The following EVL variants were observed in gnomAD, a reference collection of about 807,000 sequenced individuals.
The protein encoded by EVL is ena/VASP-like protein.
EVL carries 21 observed loss-of-function variants against 59.6 expected under a neutral mutation model. The observed-to-expected ratio is 0.35, with a 90% CI of 0.25 to 0.51. The LOEUF (loss-of-function observed/expected upper bound fraction) is 0.51, where lower values mean the gene tolerates loss of function less well. Ranked by LOEUF, EVL falls within the 20% of genes least tolerant of loss-of-function variation. The probability of loss-of-function intolerance (pLI) is 0.97; values close to 1 mark genes in which losing one functional copy is unlikely to be tolerated. For synonymous variants in EVL, 198 were observed against 203.5 expected (o/e 0.97, Z 0.23); for missense variants, 462 against 546.6 (o/e 0.85, Z 1.54).
intron 1 of EVL, among the ~76,000 whole-genome samples, chr14:100,012,301 C>T (rs184205494): frequency 2.0e-5 from 3 of 152,306 alleles, no homozygotes; most frequent in Admixed American, 6.5e-5. Context: ...GCCTGAAGTG[C>T]GTCTGAATCT....
intron 1 of EVL, among the ~76,000 whole-genome samples, chr14:100,011,040 T>G (rs1364474125): frequency 6.6e-6 from 1 of 152,226 alleles, no homozygotes; most frequent in African/African-American, 2.4e-5. Context: ...TGATTGACTT[T>G]ATTCACTTGA....
intron 1 of EVL, chr14:99,977,554 A>T (rs116591446): frequency 1.3e-5 from 2 of 152,024 alleles, no homozygotes; most frequent in African/African-American, 4.8e-5. Context: ...ATCCGCCACT[A>T]TGTGCGGCTA....
intron 1 of EVL, among the ~76,000 whole-genome samples, chr14:100,029,044 T>G (rs2061267900): frequency 6.6e-6 from 1 of 152,232 alleles, no homozygotes; most frequent in Non-Finnish European, 1.5e-5. Context: ...CATTGCTGTA[T>G]TGTTTGTATA....
intron 3 of EVL, among the ~76,000 whole-genome samples, chr14:100,101,556 TCACTTGAA>T (rs1886225197): frequency 6.6e-6 from 1 of 152,072 alleles, no homozygotes; most frequent in Non-Finnish European, 1.5e-5. Context: ...GACAGGAGAA[TCACTTGAA>T]CCCAGGAGGC....
At chr14:100,039,212 A>G (rs1306487841) in intron 1 of EVL, among the ~76,000 whole-genome samples, 3 of 152,208 alleles carry the variant, frequency 2.0e-5, no homozygotes, top group Admixed American at 1.3e-4. Flanking sequence ...GTTATTTTCT[A>G]GTTAAAACAA....
chr14:100,059,792 A>G (rs1022794903), intron 1 of EVL, among the ~76,000 whole-genome samples: 9 of 152,190 alleles, frequency 5.9e-5, no homozygotes, highest in Non-Finnish European at 1.2e-4. Context: ...GAACTGAAGA[A>G]AGGTTTGAAC....
Position 100,130,854 on chromosome 14 carries a change from G to A in EVL, c.839+1170G>A, listed in dbSNP as rs933372734. On this transcript the variant is annotated intron_variant, in intron 7 of 13. Coordinates refer to ENST00000392920, the MANE Select transcript of EVL (RefSeq NM_016337.3). The surrounding 1 kb of genome is among the most constrained non-coding windows in gnomAD (Gnocchi z 4.8). ...TCCGGAGCCTCTACTGGGCCTGGGC[G>A]TTTGTACATCGCCAAGACAGGAGGC... Among the ~76,000 whole-genome samples the A allele has an allele frequency of 5.3e-5, 8 of 152,222 alleles. No homozygotes were observed. Among genetic ancestry groups the A allele is most frequent in the East Asian group, 1.9e-4 (1 of 5,200 alleles).
intron 3 of EVL, among the ~76,000 whole-genome samples, chr14:100,114,000 C>G (rs1441247462): frequency 6.6e-6 from 1 of 152,096 alleles, no homozygotes; most frequent in Non-Finnish European, 1.5e-5. Flanking sequence ...TGTAAGCAGA[C>G]TCAGTGGGAT....
At chr14:100,143,148 C>T (rs59244070) in intron 13 of EVL, among the ~76,000 whole-genome samples, 1,908 of 152,152 alleles carry the variant, frequency 0.013, 46 homozygotes, top group African/African-American at 0.043. Context: ...GGAGCACTAG[C>T]TTGGGGTGAT....
At chr14:100,034,752 G>C (rs527447834) in intron 1 of EVL, among the ~76,000 whole-genome samples, 1 of 152,084 alleles carries the variant, frequency 6.6e-6, no homozygotes, top group South Asian at 2.1e-4. Context: ...AAAAAAAAAT[G>C]CGTAAGATAA....
intron 1 of EVL, among the ~76,000 whole-genome samples, chr14:100,023,123 A>G (rs1163627786): frequency 1.3e-5 from 2 of 151,386 alleles, no homozygotes; most frequent in Non-Finnish European, 2.9e-5. Context: ...TGCCTACAAG[A>G]CTATTGTTCT....
chr14:100,128,796 G>A, intron 6 of EVL, 48 bp downstream of exon 6: 2 of 1,518,446 alleles, frequency 1.3e-6, no homozygotes, highest in Non-Finnish European at 1.8e-6. Flanking sequence ...GGGGACCCTT[G>A]TGCCATCTGC....
chr14:100,064,989 T>G (rs1333958803), upstream of EVL, among the ~76,000 whole-genome samples: 1 of 152,254 alleles, frequency 6.6e-6, no homozygotes, highest in Non-Finnish European at 1.5e-5. Context: ...CAGTGGGGAC[T>G]CTTCCGAGTT....
intron 1 of EVL, among the ~76,000 whole-genome samples, chr14:100,009,982 T>C (rs893954699): frequency 1.3e-5 from 2 of 152,148 alleles, no homozygotes; most frequent in African/African-American, 4.8e-5. Context: ...CAAGTTTTAT[T>C]GTGCAGAGGA....
chr14:100,031,380 A>G (rs1595588468), intron 1 of EVL, among the ~76,000 whole-genome samples: 2 of 152,246 alleles, frequency 1.3e-5, no homozygotes, highest in East Asian at 3.8e-4. Flanking sequence ...TGTAAGTCAC[A>G]TAACTTCATT....
intron 3 of EVL, among the ~76,000 whole-genome samples, chr14:100,118,576 C>T (rs968182749): frequency 7.2e-5 from 11 of 152,172 alleles, no homozygotes; most frequent in Non-Finnish European, 2.9e-5. Flanking sequence ...TGCTGCCAGA[C>T]GGGAGCCCGC....
chr14:100,021,244 G>A (rs1488392610), intron 1 of EVL, among the ~76,000 whole-genome samples: 3 of 152,192 alleles, frequency 2.0e-5, no homozygotes, highest in East Asian at 1.9e-4. Flanking sequence ...ACATCCACTC[G>A]CATTGTGGTG....
intron 1 of EVL, among the ~76,000 whole-genome samples, chr14:100,035,237 C>T (rs1242375365): frequency 4.6e-5 from 7 of 151,862 alleles, no homozygotes; most frequent in Admixed American, 2.6e-4. Context: ...CTGTATTGTA[C>T]CCTGGTTTGG....
chr14:100,044,732 C>T (rs2061522448), intron 1 of EVL, among the ~76,000 whole-genome samples: 2 of 152,292 alleles, frequency 1.3e-5, no homozygotes, highest in African/African-American at 4.8e-5. Context: ...GTAACCTAAG[C>T]AGGGGTGGTC....
Sources: allele counts gnomAD v4.1 joint callset (sites outside exome capture counted in the v4.1 genomes callset), GRCh38; gene constraint gnomAD v4.1.1; non-coding constraint Gnocchi (gnomAD v3.1); transcripts MANE v1.5; gene names NCBI Gene and HGNC (gene_info 2026-07-23, HGNC 2026-07-21).